AIG1: variants seen among roughly 807,000 people sequenced by gnomAD.
AIG1 encodes the protein androgen-induced gene 1 protein.
AIG1 carries 23 observed loss-of-function variants against 31.4 expected under a neutral mutation model. That is an observed-to-expected ratio of 0.73 (90% CI 0.53 to 1.04). The LOEUF is 1.04. Ranked by LOEUF, AIG1 falls within the 50% of genes least tolerant of loss-of-function variation. AIG1 has a pLI of 0.00. For missense variants in AIG1, 274 were observed against 295.0 expected (o/e 0.93, Z 0.52); for synonymous variants, 100 against 110.5 (o/e 0.90, Z 0.60).
At chr6:143,236,150 T>C (rs961415580) in intron 3 of AIG1, among the ~76,000 whole-genome samples, 16 of 152,376 alleles carry the variant, frequency 1.1e-4, no homozygotes, top group African/African-American at 3.6e-4. Context: ...TTCTGTTTCC[T>C]TTAATCCTGG....
chr6:143,307,569 C>T (rs1345290785), intron 4 of AIG1, among the ~76,000 whole-genome samples: 2 of 152,176 alleles, frequency 1.3e-5, no homozygotes, highest in Non-Finnish European at 2.9e-5. Flanking sequence ...AGTTTTATCT[C>T]AGAGGAGTAC....
At chr6:143,324,111 C>T (rs1328043571) in intron 4 of AIG1, among the ~76,000 whole-genome samples, 3 of 152,168 alleles carry the variant, frequency 2.0e-5, no homozygotes, top group Non-Finnish European at 4.4e-5. Flanking sequence ...CCCTGGGGCA[C>T]ATGCTCATTG....
intron 2 of AIG1, among the ~76,000 whole-genome samples, chr6:143,154,802 T>G (rs1785576564): frequency 6.6e-6 from 1 of 152,094 alleles, no homozygotes; most frequent in Admixed American, 6.6e-5. Context: ...AATTTATGAG[T>G]CTTAGATTAT....
intron 3 of AIG1, among the ~76,000 whole-genome samples, chr6:143,267,534 G>C (rs938452757): frequency 3.9e-5 from 6 of 152,082 alleles, no homozygotes; most frequent in African/African-American, 1.4e-4. Context: ...TGCACATTCT[G>C]TACCTTTTGA....
At position 143,284,335 on chromosome 6, in the gene AIG1, G is replaced by C. The variant is rs9403480; in HGVS notation, c.515+110G>C. On this transcript the variant is annotated intron_variant, in intron 4 of 5. Coordinates refer to ENST00000357847, the MANE Select transcript of AIG1 (RefSeq NM_016108.4). This position sits in a 1 kb window ranked among gnomAD's most constrained non-coding sequence, Gnocchi z 4.4. ...CACTAACAGATTCACGCTGTGTGCC[G>C]CATTTGGTCCAAGACCTGGGCTTTG... The C allele has an allele frequency of 3.4e-5, 25 of 744,898 alleles. No individual in the cohort carries two copies. The highest frequency in any genetic ancestry group is 5.3e-5 in the Non-Finnish European group (24 of 450,656). The allele number at this position is 744,898 out of a possible 1,614,324, so 46.1% of individuals were successfully genotyped here.
Position 143,288,091 on chromosome 6 carries a change from C to T in AIG1, c.515+3866C>T, listed in dbSNP as rs1041934373. 1.3e-5 allele frequency among the ~76,000 whole-genome samples: 2 copies of T among 152,172 alleles called. No homozygotes were observed. The highest frequency in any genetic ancestry group is 6.5e-5 in the Admixed American group (1 of 15,282). On this transcript the variant is annotated intron_variant, in intron 4 of 5. Transcript: ENST00000357847. The surrounding 1 kb of genome is among the most constrained non-coding windows in gnomAD (Gnocchi z 4.4). The stretch of plus-strand genomic sequence containing the variant: ...ATGTATAAAAGAGAAGACATCTTTG[C>T]TCCACCTGGTGCAGCCGTCTGGGGC...
At chr6:143,198,007 CT>C (rs1228181355) in intron 3 of AIG1, among the ~76,000 whole-genome samples, 1 of 152,112 alleles carries the variant, frequency 6.6e-6, no homozygotes, top group Non-Finnish European at 1.5e-5. Flanking sequence ...GATAATGTTG[CT>C]GTTTTGGAAG....
chr6:143,247,581 G>C (rs1794706424), intron 3 of AIG1, among the ~76,000 whole-genome samples: 1 of 152,214 alleles, frequency 6.6e-6, no homozygotes, highest in Non-Finnish European at 1.5e-5. Context: ...GACTTTCTAA[G>C]GGCCTAGTGG....
intron 3 of AIG1, among the ~76,000 whole-genome samples, chr6:143,226,270 C>T (rs1792943489): frequency 6.7e-6 from 1 of 149,474 alleles, no homozygotes; most frequent in East Asian, 2.0e-4. Context: ...GAGATGGAGT[C>T]TCACTCTGTC....
intron 2 of AIG1, among the ~76,000 whole-genome samples, chr6:143,142,066 A>C (rs960708253): frequency 6.6e-6 from 1 of 152,074 alleles, no homozygotes; most frequent in African/African-American, 2.4e-5. Flanking sequence ...TATTTTATAC[A>C]TTTTAAACTT....
intron 4 of AIG1, among the ~76,000 whole-genome samples, chr6:143,310,831 A>G (rs929163211): frequency 6.6e-6 from 1 of 151,796 alleles, no homozygotes; most frequent in African/African-American, 2.4e-5. Context: ...TATGCCCACA[A>G]ATTTGATAAT....
chr6:143,313,847 CT>C (rs1376404930), intron 4 of AIG1, among the ~76,000 whole-genome samples: 1 of 151,840 alleles, frequency 6.6e-6, no homozygotes, highest in Admixed American at 6.6e-5. Flanking sequence ...ACAATCAAAA[CT>C]TTTTAAAAAT....
At chr6:143,190,504 A>G in intron 3 of AIG1, 2 of 985,098 alleles carry the variant, frequency 2.0e-6, no homozygotes, top group South Asian at 9.4e-5. Context: ...CTTTTAAGTT[A>G]TGTTCAGAAT....
At chr6:143,278,448 A>G (rs895295482) in intron 3 of AIG1, among the ~76,000 whole-genome samples, 1 of 150,372 alleles carries the variant, frequency 6.7e-6, no homozygotes, top group Admixed American at 6.6e-5. Context: ...TCATGCCAGT[A>G]TATCTTTTTT....
chr6:143,283,910 G>T (rs1250965798), intron 3 of AIG1, among the ~76,000 whole-genome samples, 200 bp from the exon 4 acceptor site: 1 of 152,110 alleles, frequency 6.6e-6, no homozygotes, highest in Non-Finnish European at 1.5e-5. Flanking sequence ...CAAAAATTAA[G>T]ATACAGAAGA....
intron 1 of AIG1, chr6:143,061,471 C>A (rs1776254801): frequency 5.7e-6 from 2 of 353,116 alleles, no homozygotes; most frequent in Non-Finnish European, 1.1e-5. Flanking sequence ...GAGCACCCAC[C>A]GTGGGATGAA....
chr6:143,162,372 A>T (rs1185076943), intron 2 of AIG1, among the ~76,000 whole-genome samples: 1 of 152,262 alleles, frequency 6.6e-6, no homozygotes, highest in Non-Finnish European at 1.5e-5. Flanking sequence ...TTCTAGCAGG[A>T]TATTTGTGTA....
chr6:143,240,616 C>G lies in AIG1; in HGVS notation c.400-43494C>G, dbSNP rs543174513. ...AGTGGAATTTTCCCAACAATTAAAG[C>G]TATCACTGGTAAGGGAGCATTTGTT... On this transcript the variant is annotated intron_variant, in intron 3 of 5. Transcript: ENST00000357847. Among the ~76,000 whole-genome samples the G allele has an allele frequency of 2.6e-5, 4 of 152,280 alleles. No homozygotes were observed. The South Asian group carries it at 8.3e-4, about 32-fold the overall frequency.
At chr6:143,234,960 T>A (rs1793702710) in intron 3 of AIG1, among the ~76,000 whole-genome samples, 1 of 152,080 alleles carries the variant, frequency 6.6e-6, no homozygotes, top group South Asian at 2.1e-4. Flanking sequence ...TCCCTCTGAG[T>A]TAAATGCACT....
Sources: allele counts gnomAD v4.1 joint callset (sites outside exome capture counted in the v4.1 genomes callset), GRCh38; gene constraint gnomAD v4.1.1; non-coding constraint Gnocchi (gnomAD v3.1); transcripts MANE v1.5; gene names NCBI Gene and HGNC (gene_info 2026-07-23, HGNC 2026-07-21).